ERCC4: variants seen among roughly 807,000 people sequenced by gnomAD.
The protein encoded by ERCC4 is DNA repair endonuclease XPF.
In ERCC4, 65 loss-of-function variants were observed where a neutral mutation model predicts 76.9. That is an observed-to-expected ratio of 0.84 (90% CI 0.69 to 1.04). The LOEUF (loss-of-function observed/expected upper bound fraction) is 1.04, where lower values mean the gene tolerates loss of function less well. ERCC4 is among the 50% of genes least tolerant of loss of function. The probability of loss-of-function intolerance (pLI) is 0.00; values close to 1 mark genes in which losing one functional copy is unlikely to be tolerated. For missense variants in ERCC4, 1,214 were observed against 1,128.2 expected (o/e 1.08, Z -1.09); for synonymous variants, 463 against 410.1 (o/e 1.13, Z -1.56).
chr16:13,921,143 A>G (rs2031966930), intron 1 of ERCC4, among the ~76,000 whole-genome samples: 1 of 147,596 alleles, frequency 6.8e-6, no homozygotes, highest in Non-Finnish European at 1.5e-5. Flanking sequence ...ATGGGGAGAC[A>G]TGAAAGGAGA....
chr16:13,948,299 T>C lies in ERCC4; in HGVS notation c.2703T>C (p.Ile901=). Residue 901 remains isoleucine (I), a synonymous_variant, in exon 11 of 11, where the codon ATT becomes ATC. Transcript: ENST00000311895. ...ATGCCAAACAGCTTTATGATTTCATTCACACCTCTTTTGCAGAAGTCGTAT... is the reference window on the plus strand; with the variant it reads ...ATGCCAAACAGCTTTATGATTTCATCCACACCTCTTTTGCAGAAGTCGTAT... ...AANAKQLYDF[I]HTSFAEVVSK... is the part of the protein sequence containing the mutation. The C allele has an allele frequency of 6.2e-7, 1 of 1,613,870 alleles. No individual in the cohort carries two copies. The highest frequency in any genetic ancestry group is 8.5e-7 in the Non-Finnish European group (1 of 1,180,018).
In ERCC4 at chr16:13,935,451, G is replaced by T; in HGVS notation, c.1519G>T (p.Glu507Ter). The part of the protein sequence containing the change: ...MVGKPEELEE[E>*]GDVEEGYRRE... The stretch of plus-strand genomic sequence containing the variant: ...AGGAAAACCTGAAGAACTGGAAGAG[G>T]AAGGAGATGTCGAGGAAGGATATCG... Residue 507 changes from glutamate (E) to a stop codon, truncating the protein, a stop_gained, in exon 8 of 11, where the codon GAA becomes TAA. Coordinates refer to ENST00000311895, the MANE Select transcript of ERCC4 (RefSeq NM_005236.3). LOFTEE classifies it high-confidence loss of function. 1 of 1,614,186 alleles carries T rather than the reference G, an allele frequency of 6.2e-7. No individual in the cohort carries two copies. The highest frequency in any genetic ancestry group is 8.5e-7 in the Non-Finnish European group (1 of 1,180,030).
At chr16:13,926,805 G>A in intron 3 of ERCC4, 49 bp downstream of exon 3, 1 of 1,404,290 alleles carries the variant, frequency 7.1e-7, no homozygotes, top group Non-Finnish European at 1.0e-6. Flanking sequence ...TGTCATCTTT[G>A]TTTGTGAGAT....
In ERCC4 at chr16:13,928,098, A is replaced by G. The variant is rs764003312; in HGVS notation, c.655A>G (p.Thr219Ala). Reference protein sequence around the residue: ...PEVVEIHVSMTPTMLAIQTAI... With the variant: ...PEVVEIHVSMAPTMLAIQTAI... ...AGTTGTAGAAATCCATGTTTCTATG[A>G]CACCTACCATGCTTGCTATACAGAC... The change falls in exon 4 of 11, where the codon ACA becomes GCA. Residue 219 changes from threonine (T) to alanine (A), a missense_variant. Physicochemically the swap from Thr to Ala is moderately conservative, Grantham distance 58. Transcript: ENST00000311895. 1 of 1,613,760 alleles carries G rather than the reference A, an allele frequency of 6.2e-7. No individual in the cohort carries two copies. Among genetic ancestry groups the G allele is most frequent in the Non-Finnish European group, 8.5e-7 (1 of 1,179,772 alleles).
intron 4 of ERCC4, 115 bp from the exon 5 acceptor site, chr16:13,930,595 A>G: frequency 2.6e-6 from 2 of 762,454 alleles, no homozygotes; most frequent in Non-Finnish European, 4.4e-6. Flanking sequence ...CATAAAATTT[A>G]CCATTTTAAC....
intron 3 of ERCC4, 33 bp from the exon 4 acceptor site, chr16:13,927,995 T>C (rs1380392402): frequency 6.5e-7 from 1 of 1,535,944 alleles, no homozygotes; most frequent in African/African-American, 1.4e-5. Context: ...GCTGAAACTC[T>C]AGAAAATTGT....
At chr16:13,928,919 A>G (rs1043900911) in intron 4 of ERCC4, among the ~76,000 whole-genome samples, 1 of 152,160 alleles carries the variant, frequency 6.6e-6, no homozygotes, top group African/African-American at 2.4e-5. Context: ...CTCTGAGTCA[A>G]TCTCTATGTC....
intron 9 of ERCC4, among the ~76,000 whole-genome samples, chr16:13,938,246 G>A (rs1182530270): frequency 6.6e-6 from 1 of 152,066 alleles, no homozygotes; most frequent in East Asian, 1.9e-4. Context: ...TTGGGTGGGT[G>A]GCTGCTTTAC....
intron 4 of ERCC4, among the ~76,000 whole-genome samples, chr16:13,929,980 A>C (rs1430921197): frequency 1.3e-5 from 2 of 152,150 alleles, no homozygotes; most frequent in South Asian, 2.1e-4. Context: ...TAATAATAAT[A>C]ATCAAACTTA....
intron 1 of ERCC4, among the ~76,000 whole-genome samples, chr16:13,921,584 C>G (rs1323083056): frequency 6.6e-6 from 1 of 152,064 alleles, no homozygotes; most frequent in African/African-American, 2.4e-5. Flanking sequence ...GCCAAGGGAC[C>G]CAGTGACATG....
At chr16:13,942,095 C>G (rs1046094752) in intron 9 of ERCC4, among the ~76,000 whole-genome samples, 2 of 152,074 alleles carry the variant, frequency 1.3e-5, no homozygotes, top group African/African-American at 4.8e-5. Context: ...AATAAAAATA[C>G]CATTGAAGAT....
At chr16:13,920,423 C>A (rs1198390299) in intron 1 of ERCC4, 51 bp downstream of exon 1, 34 of 1,480,588 alleles carry the variant, frequency 2.3e-5, no homozygotes, top group Non-Finnish European at 2.9e-5. Context: ...TGTTGAGGGC[C>A]TCCTGAGCGG....
In ERCC4 at chr16:13,935,341, A is replaced by G. The variant is rs2032263521; in HGVS notation, c.1409A>G (p.Lys470Arg). ...ATTAGGAAATCTCACAAAAGACCTA[A>G]AGACCCCCAAAACAAAGAACGGGCT... is the stretch of plus-strand genomic sequence containing the variant. ...KRIRKSHKRP[K>R]DPQNKERAST... Residue 470 changes from lysine (K) to arginine (R), a missense_variant, in exon 8 of 11, where the codon AAA becomes AGA. Coordinates refer to ENST00000311895, the MANE Select transcript of ERCC4 (RefSeq NM_005236.3). 1 of 1,612,010 alleles carries G rather than the reference A, an allele frequency of 6.2e-7. No homozygotes were observed. The highest frequency in any genetic ancestry group is 8.5e-7 in the Non-Finnish European group (1 of 1,179,538).
intron 3 of ERCC4, chr16:13,927,789 G>T (rs745701250): frequency 4.2e-4 from 208 of 491,592 alleles, no homozygotes; most frequent in Non-Finnish European, 6.9e-4. Context: ...ATAGAAACAG[G>T]TACAGGATTT....
intron 2 of ERCC4, chr16:13,922,563 G>A (rs1004346908): frequency 9.9e-6 from 7 of 705,356 alleles, no homozygotes; most frequent in Admixed American, 1.8e-5. Context: ...TTTGAATGAC[G>A]AATTTCTTAA....
intron 9 of ERCC4, among the ~76,000 whole-genome samples, chr16:13,941,642 G>C (rs373882670): frequency 1.8e-3 from 276 of 152,240 alleles, no homozygotes; most frequent in African/African-American, 6.4e-3. Flanking sequence ...AGATAAAGTG[G>C]AAAAGATTAC....
intron 6 of ERCC4, chr16:13,932,793 C>A: frequency 5.3e-6 from 1 of 189,268 alleles, no homozygotes; most frequent in Non-Finnish European, 1.1e-5. Flanking sequence ...GTCTGTAATC[C>A]CAGCACTTTG....
intron 10 of ERCC4, among the ~76,000 whole-genome samples, chr16:13,946,809 G>A (rs554749416): frequency 1.3e-5 from 2 of 152,288 alleles, no homozygotes; most frequent in East Asian, 3.9e-4. Flanking sequence ...TGTCCAGGCT[G>A]GAGTGCACTG....
chr16:13,932,923 GT>G (rs1218410385), intron 6 of ERCC4: 1 of 230,054 alleles, frequency 4.3e-6, no homozygotes, highest in Non-Finnish European at 8.8e-6. Context: ...GCGGGCACCT[GT>G]AATCCCAGCT....
Sources: allele counts gnomAD v4.1 joint callset (sites outside exome capture counted in the v4.1 genomes callset), GRCh38; gene constraint gnomAD v4.1.1; transcripts MANE v1.5; gene names NCBI Gene and HGNC (gene_info 2026-07-23, HGNC 2026-07-21).